The following SORCS2 variants were observed in gnomAD, a reference collection of about 807,000 sequenced individuals.
The protein encoded by SORCS2 is VPS10 domain-containing receptor SorCS2.
In SORCS2, 100 loss-of-function variants were observed where a neutral mutation model predicts 141.6. The ratio of observed to expected loss-of-function variants is 0.71; its 90% confidence interval spans 0.60 to 0.83. The LOEUF (loss-of-function observed/expected upper bound fraction) is 0.83, where lower values mean the gene tolerates loss of function less well. Among genes scored for constraint, SORCS2 ranks in the 40% least tolerant of loss-of-function variants. The pLI, the probability that SORCS2 is intolerant of heterozygous loss-of-function variation, is 0.00. For synonymous variants in SORCS2, 789 were observed against 676.9 expected, an observed-to-expected ratio of 1.17 and a Z score of -2.57; for missense variants, 1,646 against 1,560.2, an observed-to-expected ratio of 1.05 and a Z score of -0.93.
At chr4:7,543,996 T>TCATCCATC (rs1400090301) in intron 3 of SORCS2, among the ~76,000 whole-genome samples, 3 of 25,604 alleles carry the variant, frequency 1.2e-4, no homozygotes, top group South Asian at 2.0e-3. Flanking sequence ...ATCCATCCAC[T>TCATCCATC]CATCCATCCA....
At chr4:7,594,455 T>G (rs1717126209) in intron 3 of SORCS2, among the ~76,000 whole-genome samples, 1 of 152,220 alleles carries the variant, frequency 6.6e-6, no homozygotes, top group Non-Finnish European at 1.5e-5. Context: ...CTTGCTTGGC[T>G]GGAAGCCCCG....
chr4:7,622,338 C>T (rs891725446), intron 3 of SORCS2, among the ~76,000 whole-genome samples: 4 of 152,190 alleles, frequency 2.6e-5, no homozygotes, highest in Admixed American at 1.3e-4. Flanking sequence ...TTGCAGGGCT[C>T]TGAAGCCTTT....
Position 7,664,600 on chromosome 4 carries a change from G to T in SORCS2, c.1071+129G>T, listed in dbSNP as rs527339931. 10 of 659,616 alleles carry T rather than the reference G, an allele frequency of 1.5e-5. No individual in the cohort carries two copies. Among genetic ancestry groups the T allele is most frequent in the Non-Finnish European group, 2.1e-5 (8 of 385,896 alleles). The allele number at this position is 659,616 out of a possible 1,614,324, so 40.9% of individuals were successfully genotyped here. The stretch of plus-strand genomic sequence containing the variant: ...GTATTTCACTCTCAAATGCTACTTC[G>T]CAGGTCACGGTTTCTGACCGTGGCT... On this transcript the variant is annotated intron_variant, in intron 7 of 26. Coordinates refer to ENST00000507866, the MANE Select transcript of SORCS2 (RefSeq NM_020777.3). This position sits in a 1 kb window ranked among gnomAD's most constrained non-coding sequence, Gnocchi z 4.7.
rs570788318 is a variant in SORCS2, at chr4:7,352,893, ATAACCACGGTTCCTTG to A, written c.481-43394_481-43379del. Among the ~76,000 whole-genome samples, 509 of 152,308 alleles carry A rather than the reference ATAACCACGGTTCCTTG, an allele frequency of 3.3e-3. 2 individuals are homozygous for A. Among genetic ancestry groups the A allele is most frequent in the African/African-American group, 0.012 (494 of 41,574 alleles). On this transcript the variant is annotated intron_variant, in intron 1 of 26. Coordinates refer to ENST00000507866, the MANE Select transcript of SORCS2 (RefSeq NM_020777.3). Reference sequence around the variant, plus strand: ...ACCCCCATGTAGGTGGCTGAATCTTATAACCACGGTTCCTTGGAACCTCCTAACACCCTGCACAAGG... The same window carrying A: ...ACCCCCATGTAGGTGGCTGAATCTTAGAACCTCCTAACACCCTGCACAAGG...
chr4:7,402,225 C>T (rs1320812900), intron 2 of SORCS2, among the ~76,000 whole-genome samples: 3 of 152,216 alleles, frequency 2.0e-5, no homozygotes, highest in Admixed American at 2.0e-4. Context: ...CAAAGAAATA[C>T]ACTATGATAG....
chr4:7,251,253 C>T (rs934628547), intron 1 of SORCS2, among the ~76,000 whole-genome samples: 31 of 152,330 alleles, frequency 2.0e-4, no homozygotes, highest in African/African-American at 6.7e-4. Flanking sequence ...TGAGCTCTGC[C>T]TCTTTTCTTG....
At chr4:7,718,254 G>T (rs1726335660) in intron 18 of SORCS2, 71 bp downstream of exon 18, 21 of 1,534,292 alleles carry the variant, frequency 1.4e-5, no homozygotes, top group Admixed American at 7.7e-5. Context: ...CACGCAGAAG[G>T]CACGGTGAGG....
At chr4:7,495,253 G>C (rs973633436) in intron 2 of SORCS2, among the ~76,000 whole-genome samples, 3 of 152,204 alleles carry the variant, frequency 2.0e-5, no homozygotes, top group Admixed American at 6.5e-5. Flanking sequence ...ATCAACTCAG[G>C]CTCCAGAGCC....
At chr4:7,690,732 A>G (rs1453682048) in intron 11 of SORCS2, among the ~76,000 whole-genome samples, 2 of 152,180 alleles carry the variant, frequency 1.3e-5, no homozygotes, top group African/African-American at 4.8e-5. Flanking sequence ...AGGTGGATCA[A>G]TGGATGGATG....
chr4:7,237,459 C>T (rs920237702), intron 1 of SORCS2, among the ~76,000 whole-genome samples: 1 of 152,180 alleles, frequency 6.6e-6, no homozygotes, highest in Non-Finnish European at 1.5e-5. Flanking sequence ...ACATCCTTCT[C>T]AATATAGTTG....
At chr4:7,655,912 A>G (rs1445666245) in intron 5 of SORCS2, among the ~76,000 whole-genome samples, 1 of 152,234 alleles carries the variant, frequency 6.6e-6, no homozygotes, top group African/African-American at 2.4e-5. Flanking sequence ...GAAATTGGCG[A>G]TAATTCAAAC....
At chr4:7,528,815 G>A (rs1016866568) in intron 2 of SORCS2, among the ~76,000 whole-genome samples, 6 of 152,086 alleles carry the variant, frequency 3.9e-5, no homozygotes, top group Admixed American at 3.9e-4. Context: ...ACTCTCTCTC[G>A]GGGTCCTGGA....
At chr4:7,321,235 G>T (rs757140776) in intron 1 of SORCS2, among the ~76,000 whole-genome samples, 1 of 152,122 alleles carries the variant, frequency 6.6e-6, no homozygotes, top group Non-Finnish European at 1.5e-5. Flanking sequence ...TAGAATAATG[G>T]CCTCAGGCTC....
At position 7,349,612 on chromosome 4, in the gene SORCS2, C is replaced by G. The variant is rs149834345; in HGVS notation, c.481-46676C>G. Among the ~76,000 whole-genome samples, 1,452 of 152,266 alleles carry G rather than the reference C, an allele frequency of 9.5e-3. 19 individuals are homozygous for G. The highest frequency in any genetic ancestry group is 0.032 in the African/African-American group (1,318 of 41,540). On this transcript the variant is annotated intron_variant, in intron 1 of 26. Transcript: ENST00000507866. ...GCCTACCGTGCTCTGGCATGTCCTT[C>G]GCCACCCAGTGAGGGCTTGGACAAA...
At chr4:7,616,752 A>G (rs1718788268) in intron 3 of SORCS2, among the ~76,000 whole-genome samples, 1 of 152,276 alleles carries the variant, frequency 6.6e-6, no homozygotes, top group Non-Finnish European at 1.5e-5. Context: ...CTTTATACTC[A>G]TAACTTAAAG....
chr4:7,593,345 C>T (rs1717039802), intron 3 of SORCS2, among the ~76,000 whole-genome samples: 1 of 152,170 alleles, frequency 6.6e-6, no homozygotes, highest in African/African-American at 2.4e-5. Context: ...AGGGGAGCAG[C>T]CAGGTCACCT....
In SORCS2 at chr4:7,193,161, C is replaced by G. The variant is rs772214551; in HGVS notation, c.480+35C>G. 62 of 1,470,316 alleles carry G rather than the reference C, an allele frequency of 4.2e-5. No homozygotes were observed. In the African/African-American group the frequency reaches 8.3e-4, roughly 20 times the overall value. 91.1% of individuals were successfully genotyped at this position (1,470,316 alleles called of 1,614,324 possible). On this transcript the variant is annotated intron_variant, in intron 1 of 26. Coordinates refer to ENST00000507866, the MANE Select transcript of SORCS2 (RefSeq NM_020777.3). This position sits in a 1 kb window ranked among gnomAD's most constrained non-coding sequence, Gnocchi z 4.8. ...CTCCACGCGCTCGCCGCGGCCCCTA[C>G]CCGGGACACCGCGGGACACCCGGGC...
chr4:7,217,104 C>T (rs1728406657), intron 1 of SORCS2, among the ~76,000 whole-genome samples: 1 of 152,212 alleles, frequency 6.6e-6, no homozygotes, highest in Admixed American at 6.5e-5. Context: ...TCCGGCCCTG[C>T]TCCATGGGGC....
intron 3 of SORCS2, among the ~76,000 whole-genome samples, chr4:7,612,606 A>C (rs903976072): frequency 6.6e-6 from 1 of 152,096 alleles, no homozygotes; most frequent in Non-Finnish European, 1.5e-5. Flanking sequence ...GGCCCCACGC[A>C]GTGACTCGGC....
Sources: allele counts gnomAD v4.1 joint callset (sites outside exome capture counted in the v4.1 genomes callset), GRCh38; gene constraint gnomAD v4.1.1; non-coding constraint Gnocchi (gnomAD v3.1); transcripts MANE v1.5; gene names NCBI Gene and HGNC (gene_info 2026-07-23, HGNC 2026-07-21).